FGF14: variants seen among roughly 807,000 people sequenced by gnomAD.
FGF14 encodes the protein fibroblast growth factor homologous factor 4.
A neutral mutation model predicts 25.5 loss-of-function variants in FGF14; 5 were observed. The ratio of observed to expected loss-of-function variants is 0.20; its 90% CI spans 0.10 to 0.41. FGF14 has a LOEUF of 0.41. FGF14 is among the 10% of genes least tolerant of loss of function. The pLI is 1.00. For synonymous variants in FGF14, 138 were observed against 118.3 expected (o/e 1.17, Z -1.08); for missense variants, 222 against 320.1 (o/e 0.69, Z 2.34).
At chr13:102,181,521 G>A (rs2048674805) in intron 1 of FGF14, among the ~76,000 whole-genome samples, 1 of 152,148 alleles carries the variant, frequency 6.6e-6, no homozygotes. Context: ...TGCCTTATAA[G>A]AAGAGGAGAA....
At position 101,726,616 on chromosome 13, in the gene FGF14, C is replaced by T; in HGVS notation, c.603G>A (p.Leu201=). The T allele has an allele frequency of 6.2e-7, 1 of 1,613,152 alleles. No homozygotes were observed. Among genetic ancestry groups the T allele is most frequent in the Non-Finnish European group, 8.5e-7 (1 of 1,179,394 alleles). ...TAATGCATGCATAATACTCACCTTC[C>T]AATGGCTTGGGTAGAAAATGAGCTG... ...KPAAHFLPKP[L]EVAMYREPSL... Residue 201 remains leucine, a synonymous_variant, in exon 4 of 5, where the codon TTG becomes TTA. Transcript: ENST00000376143.
intron 1 of FGF14, among the ~76,000 whole-genome samples, chr13:102,033,264 T>C (rs2041301855): frequency 6.6e-6 from 1 of 152,000 alleles, no homozygotes; most frequent in South Asian, 2.1e-4. Context: ...TGACAAACAG[T>C]AACAAAGCCA....
chr13:101,799,433 G>C (rs948511252), intron 3 of FGF14, among the ~76,000 whole-genome samples: 1 of 152,010 alleles, frequency 6.6e-6, no homozygotes, highest in Non-Finnish European at 1.5e-5. Context: ...AGCAGTGTAG[G>C]CAAGTGCCCT....
chr13:101,979,687 T>C (rs180671530), intron 1 of FGF14, among the ~76,000 whole-genome samples: 3 of 152,278 alleles, frequency 2.0e-5, no homozygotes, highest in Non-Finnish European at 4.4e-5. Context: ...AGACAAATAC[T>C]AAATAGGTTG....
In FGF14 at chr13:102,055,140, C is replaced by A. The variant is rs149582493; in HGVS notation, c.209-179844G>T. On this transcript the variant is annotated intron_variant, in intron 1 of 4. Transcript: ENST00000376131. ...AGTTCAATGCCCCATTTGTAGCATA[C>A]AAAAATCCAACCTAGTTTTTCAGCC... 6.8e-4 allele frequency among the ~76,000 whole-genome samples: 103 copies of A among 152,332 alleles called. 2 individuals carry two copies. Among genetic ancestry groups the A allele is most frequent in the African/African-American group, 2.3e-3 (97 of 41,570 alleles).
chr13:101,777,950 G>A (rs990202471), intron 3 of FGF14, among the ~76,000 whole-genome samples: 1 of 152,122 alleles, frequency 6.6e-6, no homozygotes, highest in East Asian at 1.9e-4. Flanking sequence ...GGTGACAAGA[G>A]CAAGACTCCA....
chr13:102,013,255 A>G (rs2040173552), intron 1 of FGF14, among the ~76,000 whole-genome samples: 1 of 152,136 alleles, frequency 6.6e-6, no homozygotes, highest in Non-Finnish European at 1.5e-5. Flanking sequence ...GTAAAAATTA[A>G]ATGCACTCAG....
intron 1 of FGF14, among the ~76,000 whole-genome samples, chr13:102,216,039 G>C (rs1360982): frequency 0.81 from 123,146 of 152,138 alleles, 50,264 homozygotes; most frequent in African/African-American, 0.92. Context: ...TACAGAAGAG[G>C]CAAGAGACTA....
intron 1 of FGF14, among the ~76,000 whole-genome samples, chr13:102,166,264 CTTTA>C (rs1167307260): frequency 1.3e-5 from 2 of 151,400 alleles, no homozygotes; most frequent in African/African-American, 4.8e-5. Flanking sequence ...TTGCCATTCA[CTTTA>C]TTTTATTTTA....
At chr13:102,020,969 A>G (rs1015405761) in intron 1 of FGF14, among the ~76,000 whole-genome samples, 1 of 151,982 alleles carries the variant, frequency 6.6e-6, no homozygotes, top group African/African-American at 2.4e-5. Flanking sequence ...AAGATAAACA[A>G]GAAGGTTGGA....
At chr13:102,248,207 T>C (rs1423370517) in intron 1 of FGF14, among the ~76,000 whole-genome samples, 1 of 152,170 alleles carries the variant, frequency 6.6e-6, no homozygotes, top group African/African-American at 2.4e-5. Context: ...AGTTTATCTA[T>C]TTAACAAACC....
intron 1 of FGF14, among the ~76,000 whole-genome samples, chr13:102,085,484 T>C (rs1195843501): frequency 6.6e-6 from 1 of 152,124 alleles, no homozygotes; most frequent in Non-Finnish European, 1.5e-5. Context: ...ACAATGGGAG[T>C]GATGTCAAAC....
At chr13:101,742,017 G>C (rs536973115) in intron 3 of FGF14, among the ~76,000 whole-genome samples, 1 of 152,142 alleles carries the variant, frequency 6.6e-6, no homozygotes, top group Non-Finnish European at 1.5e-5. Context: ...TAGAGTTAGA[G>C]ATCAATAAAT....
chr13:102,218,318 T>C (rs147327665), intron 1 of FGF14, among the ~76,000 whole-genome samples: 19 of 152,154 alleles, frequency 1.2e-4, no homozygotes, highest in African/African-American at 4.1e-4. Context: ...CACATCAGAA[T>C]AGACCTTGAC....
chr13:101,860,429 T>C (rs2044355921), intron 3 of FGF14, among the ~76,000 whole-genome samples: 1 of 152,074 alleles, frequency 6.6e-6, no homozygotes, highest in African/African-American at 2.4e-5. Context: ...AGCCCTGAAC[T>C]AGGAATTTAT....
intron 1 of FGF14, among the ~76,000 whole-genome samples, chr13:101,996,682 T>C (rs1466713744): frequency 6.6e-6 from 1 of 152,166 alleles, no homozygotes; most frequent in Non-Finnish European, 1.5e-5. Flanking sequence ...ACAAATCTAG[T>C]TTGTAAGTAA....
intron 3 of FGF14, among the ~76,000 whole-genome samples, chr13:101,810,677 T>G (rs991238456): frequency 6.6e-6 from 1 of 152,196 alleles, no homozygotes; most frequent in African/African-American, 2.4e-5. Context: ...TGATAGGACA[T>G]TTTTGACATC....
chr13:101,909,493 G>T (rs2032657122), intron 1 of FGF14, among the ~76,000 whole-genome samples: 1 of 152,160 alleles, frequency 6.6e-6, no homozygotes, highest in Admixed American at 6.5e-5. Flanking sequence ...GTGAAAAAAT[G>T]CTCATCATCA....
Position 101,855,358 on chromosome 13 carries a change from A to G in FGF14, c.408+13367T>C, listed in dbSNP as rs183617935. ...ATGTCAAAACTATTTTAAAGTACCA[A>G]ATGCTTCTAGGTAAAACACTGACAT... is the stretch of plus-strand genomic sequence containing the variant. On this transcript the variant is annotated intron_variant, in intron 3 of 4. Transcript: ENST00000376143. Among the ~76,000 whole-genome samples the G allele has an allele frequency of 3.5e-4, 53 of 152,150 alleles. No individual in the cohort carries two copies. The East Asian group carries it at 9.1e-3, about 26-fold the overall frequency.
Sources: gnomAD v4.1 joint callset for allele counts (sites outside exome capture counted in the v4.1 genomes callset) on GRCh38, gnomAD v4.1.1 for gene constraint, MANE v1.5 for transcripts, NCBI Gene and HGNC (gene_info 2026-07-23, HGNC 2026-07-21) for gene names.